Variants in DNER observed in about 807,000 individuals in gnomAD.
The protein encoded by DNER is delta/notch like EGF repeat containing, also known as delta and Notch-like epidermal growth factor-related receptor.
DNER carries 33 observed loss-of-function variants against 78.2 expected under a neutral mutation model. The observed-to-expected ratio is 0.42, with a 90% CI of 0.32 to 0.56. DNER has a LOEUF of 0.56. Among genes scored for constraint, DNER ranks in the 20% least tolerant of loss-of-function variants. DNER has a pLI of 0.11. For synonymous variants in DNER, 417 were observed against 384.8 expected, an observed-to-expected ratio of 1.08 and a Z score of -0.98; for missense variants, 918 against 975.3, an observed-to-expected ratio of 0.94 and a Z score of 0.78.
rs759589862 is a variant in DNER, at chr2:229,714,288, C to A, written c.136G>T (p.Gly46Trp). 2 of 1,338,402 alleles carry A rather than the reference C, an allele frequency of 1.5e-6. No individual in the cohort carries two copies. Among genetic ancestry groups the A allele is most frequent in the African/African-American group, 1.5e-5 (1 of 65,708 alleles). The allele number at this position is 1,338,402 out of a possible 1,614,324, so 82.9% of individuals were successfully genotyped here. A position where few individuals can be genotyped will look rare whatever the true frequency, so the allele number is the denominator to read the frequency against. The change falls in exon 1 of 13, where the codon GGG becomes TGG. Residue 46 changes from glycine to tryptophan, a missense_variant. Gly to Trp is a radical substitution (Grantham distance 184, BLOSUM62 -2). Coordinates refer to ENST00000341772, the MANE Select transcript of DNER (RefSeq NM_139072.4). Reference sequence around the variant, plus strand: ...CGGCAGGGCTGCGCGGCGCACGGCCCGGGCGCAGACAGGGGCGCGGCGGGC... The same window carrying A: ...CGGCAGGGCTGCGCGGCGCACGGCCAGGGCGCAGACAGGGGCGCGGCGGGC... ...PVPAAPLSAPGPCAAQPCRNG... is the reference protein window; with the variant it reads ...PVPAAPLSAPWPCAAQPCRNG...
intron 6 of DNER, among the ~76,000 whole-genome samples, chr2:229,495,872 T>C (rs1695491227): frequency 6.6e-6 from 1 of 152,218 alleles, no homozygotes; most frequent in South Asian, 2.1e-4. Context: ...TCTCATATCA[T>C]GTCTACCTCC....
chr2:229,396,864 T>G (rs1693156027), intron 10 of DNER, among the ~76,000 whole-genome samples: 1 of 152,090 alleles, frequency 6.6e-6, no homozygotes, highest in Non-Finnish European at 1.5e-5. Flanking sequence ...TCTGAGACTC[T>G]GGTTACCAAG....
At chr2:229,624,725 T>A (rs1698307443) in intron 1 of DNER, among the ~76,000 whole-genome samples, 1 of 152,204 alleles carries the variant, frequency 6.6e-6, no homozygotes, top group South Asian at 2.1e-4. Flanking sequence ...AAATCGTTTT[T>A]CTCTCTGCAT....
chr2:229,463,610 T>A (rs1694746136), intron 7 of DNER, among the ~76,000 whole-genome samples: 1 of 152,086 alleles, frequency 6.6e-6, no homozygotes, highest in Non-Finnish European at 1.5e-5. Flanking sequence ...CAATTAAATT[T>A]CAATTTTTTT....
intron 6 of DNER, among the ~76,000 whole-genome samples, chr2:229,479,420 C>T (rs139634076): frequency 6.6e-6 from 1 of 151,922 alleles, no homozygotes; most frequent in Non-Finnish European, 1.5e-5. Context: ...ATATAAAAAC[C>T]ATCAATATTC....
chr2:229,646,370 C>CA lies in DNER; in HGVS notation c.277-54483dup, dbSNP rs150328995. 3.9e-3 allele frequency among the ~76,000 whole-genome samples: 600 copies of CA among 152,266 alleles called. 4 individuals carry two copies. The highest frequency in any genetic ancestry group is 0.011 in the South Asian group (54 of 4,820). On this transcript the variant is annotated intron_variant, in intron 1 of 12. Transcript: ENST00000341772. ...TTGTAAACACAGATGGCTTGCAATG[C>CA]AAAAATATATAATGTTGTATCTGTT...
At chr2:229,434,319 C>G (rs1166939447) in intron 8 of DNER, among the ~76,000 whole-genome samples, 1 of 152,102 alleles carries the variant, frequency 6.6e-6, no homozygotes, top group Non-Finnish European at 1.5e-5. Flanking sequence ...TTGTTAAACA[C>G]CAGGGAAATT....
chr2:229,427,751 C>A (rs1191546359), intron 8 of DNER, among the ~76,000 whole-genome samples: 1 of 152,128 alleles, frequency 6.6e-6, no homozygotes, highest in Non-Finnish European at 1.5e-5. Context: ...ACATGGATTG[C>A]AACCCACTGT....
intron 6 of DNER, among the ~76,000 whole-genome samples, chr2:229,500,682 C>G (rs1695601599): frequency 6.6e-6 from 1 of 152,066 alleles, no homozygotes; most frequent in Non-Finnish European, 1.5e-5. Flanking sequence ...TGTATATATA[C>G]ACAATAGAAT....
chr2:229,527,483 C>T (rs1041202419), intron 5 of DNER, among the ~76,000 whole-genome samples: 3 of 152,068 alleles, frequency 2.0e-5, no homozygotes, highest in Admixed American at 6.6e-5. Context: ...TAGGGACATT[C>T]GCATTTAAAT....
chr2:229,657,231 T>C (rs72977204), intron 1 of DNER, among the ~76,000 whole-genome samples: 8,083 of 152,278 alleles, frequency 0.053, 256 homozygotes, highest in Middle Eastern at 0.082. Flanking sequence ...TAAGTGAGAA[T>C]GCAATATTTG....
intron 1 of DNER, among the ~76,000 whole-genome samples, chr2:229,638,762 T>A (rs1473192826): frequency 6.6e-6 from 1 of 152,246 alleles, no homozygotes; most frequent in Admixed American, 6.5e-5. Flanking sequence ...TTACTTAGAA[T>A]TATATCCTTT....
chr2:229,367,263 A>C, intron 11 of DNER, 144 bp from the exon 12 acceptor site: 1 of 1,207,212 alleles, frequency 8.3e-7, no homozygotes. Flanking sequence ...ATCCAGACCC[A>C]GGGTTAATAT....
intron 1 of DNER, among the ~76,000 whole-genome samples, chr2:229,673,742 AAAAG>A (rs1424682133): frequency 6.6e-6 from 1 of 152,216 alleles, no homozygotes; most frequent in African/African-American, 2.4e-5. Context: ...CATCATCGAC[AAAAG>A]AAAGGTGTAC....
intron 1 of DNER, chr2:229,702,090 G>GA (rs1200321382): frequency 5.8e-6 from 1 of 171,298 alleles, no homozygotes; most frequent in African/African-American, 2.4e-5. Context: ...TGGAACCCAG[G>GA]AAAAACTGAT....
intron 1 of DNER, among the ~76,000 whole-genome samples, chr2:229,630,465 G>T (rs988465956): frequency 6.9e-6 from 1 of 144,256 alleles, no homozygotes; most frequent in African/African-American, 2.6e-5. Flanking sequence ...GACAGAGTGA[G>T]AGACTCCATC....
intron 4 of DNER, 132 bp downstream of exon 4, chr2:229,585,726 A>G (rs534947810): frequency 6.6e-6 from 6 of 909,934 alleles, no homozygotes; most frequent in African/African-American, 1.7e-5. Context: ...AAACCTTACC[A>G]AAGTGAAAGA....
At chr2:229,546,255 T>C (rs1574895627) in intron 5 of DNER, among the ~76,000 whole-genome samples, 1 of 152,232 alleles carries the variant, frequency 6.6e-6, no homozygotes, top group Non-Finnish European at 1.5e-5. Context: ...TGGTTTTAAT[T>C]CCATTCATAT....
At chr2:229,393,579 G>A (rs1004827768) in intron 10 of DNER, among the ~76,000 whole-genome samples, 1 of 152,156 alleles carries the variant, frequency 6.6e-6, no homozygotes, top group African/African-American at 2.4e-5. Context: ...TGAGCACAGT[G>A]GCTCACACCT....
Sources: allele counts gnomAD v4.1 joint callset (sites outside exome capture counted in the v4.1 genomes callset), GRCh38; gene constraint gnomAD v4.1.1; transcripts MANE v1.5; gene names NCBI Gene and HGNC (gene_info 2026-07-23, HGNC 2026-07-21).